Variants in PLVAP observed in about 807,000 individuals in gnomAD.
PLVAP encodes the protein plasmalemma vesicle-associated protein.
PLVAP carries 34 observed loss-of-function variants against 43.1 expected under a neutral mutation model. The ratio of observed to expected loss-of-function variants is 0.79; its 90% CI spans 0.60 to 1.05. PLVAP has a LOEUF of 1.05. PLVAP is among the 50% of genes least tolerant of loss of function. PLVAP has a pLI of 0.00. For synonymous variants in PLVAP, 241 were observed against 237.3 expected (o/e 1.02, Z -0.14); for missense variants, 574 against 593.4 (o/e 0.97, Z 0.34).
At chr19:17,368,090 A>T (rs2145724353) in intron 1 of PLVAP, among the ~76,000 whole-genome samples, 11 of 39,366 alleles carry the variant, frequency 2.8e-4, no homozygotes, top group South Asian at 2.2e-3. Context: ...TTTTTTTTTG[A>T]GACGGAGTTT....
At chr19:17,362,705 C>A (rs1277140713) in intron 3 of PLVAP, 1 of 152,202 alleles carries the variant, frequency 6.6e-6, no homozygotes, top group Non-Finnish European at 1.5e-5. Flanking sequence ...AACCTCACCC[C>A]CTACAAGCAT....
chr19:17,367,632 G>A (rs998076990), intron 1 of PLVAP, among the ~76,000 whole-genome samples: 6 of 152,012 alleles, frequency 3.9e-5, no homozygotes, highest in Non-Finnish European at 5.9e-5. Context: ...CAGGTGATCC[G>A]CCTATCTCGG....
chr19:17,372,738 G>A (rs930094765), intron 1 of PLVAP, among the ~76,000 whole-genome samples: 23 of 150,872 alleles, frequency 1.5e-4, no homozygotes, highest in South Asian at 2.1e-4. Context: ...TTATAGGTGT[G>A]AGCCACTGCA....
intron 1 of PLVAP, among the ~76,000 whole-genome samples, chr19:17,367,706 G>C (rs2074555914): frequency 6.6e-6 from 1 of 151,922 alleles, no homozygotes; most frequent in South Asian, 2.1e-4. Context: ...TGTTTTTGTA[G>C]AGATGGGGTT....
At chr19:17,364,336 C>T (rs1429460592) in intron 3 of PLVAP, among the ~76,000 whole-genome samples, 1 of 151,944 alleles carries the variant, frequency 6.6e-6, no homozygotes, top group Non-Finnish European at 1.5e-5. Flanking sequence ...CCACCTGCCT[C>T]CGCCTCCCAA....
At chr19:17,369,098 A>T (rs2074561539) in intron 1 of PLVAP, among the ~76,000 whole-genome samples, 1 of 152,148 alleles carries the variant, frequency 6.6e-6, no homozygotes, top group Admixed American at 6.5e-5. Flanking sequence ...ATACCTTGTC[A>T]TGGAAGCCCT....
chr19:17,372,273 G>T (rs1349695402), intron 1 of PLVAP, among the ~76,000 whole-genome samples: 2 of 150,576 alleles, frequency 1.3e-5, no homozygotes, highest in Non-Finnish European at 3.0e-5. Flanking sequence ...GCTGGGTTTG[G>T]TGGCGGGTGC....
chr19:17,376,787 G>T, intron 1 of PLVAP, 133 bp downstream of exon 1: 1 of 942,904 alleles, frequency 1.1e-6, no homozygotes, highest in Non-Finnish European at 1.5e-6. Flanking sequence ...GACGGAGCGA[G>T]ACTCTGTCTC....
At chr19:17,367,539 C>A (rs977562814) in intron 1 of PLVAP, among the ~76,000 whole-genome samples, 1 of 152,042 alleles carries the variant, frequency 6.6e-6, no homozygotes, top group African/African-American at 2.4e-5. Context: ...CAGGCATGCG[C>A]CACAACACCC....
intron 3 of PLVAP, among the ~76,000 whole-genome samples, chr19:17,361,314 A>G (rs57306046): frequency 0.015 from 2,291 of 152,252 alleles, 55 homozygotes; most frequent in East Asian, 0.068. Context: ...GGTCATGAAC[A>G]TAGAATCACC....
Position 17,366,939 on chromosome 19 carries a change from ATTTTT to A in PLVAP, c.370-749_370-745del, listed in dbSNP as rs34408678. The stretch of plus-strand genomic sequence containing the variant: ...GCTTGAGCCACTGTGCCCGGCTCGA[ATTTTT>A]TTTTTTTTTTTTTTTTTAGACAGGG... On this transcript the variant is annotated intron_variant, in intron 1 of 5. Coordinates refer to ENST00000252590, the MANE Select transcript of PLVAP (RefSeq NM_031310.3). Among the ~76,000 whole-genome samples the A allele has an allele frequency of 2.0e-3, 212 of 107,822 alleles. 1 individual carries two copies. The highest frequency in any genetic ancestry group is 5.4e-3 in the Middle Eastern group (1 of 186). 70.7% of individuals were successfully genotyped at this position (107,822 alleles called of 152,430 possible).
In PLVAP at chr19:17,377,260, G is replaced by A. The variant is rs761339710; in HGVS notation, c.29C>T (p.Ser10Phe). The A allele has an allele frequency of 2.5e-6, 4 of 1,613,364 alleles. No individual in the cohort carries two copies. Among genetic ancestry groups the A allele is most frequent in the Admixed American group, 1.7e-5 (1 of 59,972 alleles). The change falls in exon 1 of 6, where the codon TCC becomes TTC. Residue 10 changes from serine to phenylalanine, a missense_variant. Coordinates refer to ENST00000252590, the MANE Select transcript of PLVAP (RefSeq NM_031310.3). MGLAMEHGG[S>F]YARAGGSSRG... Reference sequence around the variant, plus strand: ...AGAGCTGCCCCCCGCCCGAGCGTAGGACCCTCCGTGCTCCATGGCCAGACC... The same window carrying A: ...AGAGCTGCCCCCCGCCCGAGCGTAGAACCCTCCGTGCTCCATGGCCAGACC...
At chr19:17,358,584 G>A (rs1036533771) in intron 5 of PLVAP, among the ~76,000 whole-genome samples, 1 of 152,168 alleles carries the variant, frequency 6.6e-6, no homozygotes, top group Admixed American at 6.5e-5. Context: ...TTCTTGGGGC[G>A]GTGGCCTGAG....
In PLVAP at chr19:17,352,313, G is replaced by T; in HGVS notation, c.*49C>A. ...CTGTGAGCATATCCCTGCATCCTCC[G>T]CAAACCGCCGAGTCGGGCCATCCCT... is the stretch of plus-strand genomic sequence containing the variant. On this transcript the variant is annotated 3_prime_UTR_variant, in exon 6 of 6. Transcript: ENST00000252590. 1 of 1,611,164 alleles carries T rather than the reference G, an allele frequency of 6.2e-7. No individual in the cohort carries two copies. Among genetic ancestry groups the T allele is most frequent in the Non-Finnish European group, 8.5e-7 (1 of 1,177,992 alleles).
At chr19:17,364,041 C>T (rs112987533) in intron 3 of PLVAP, among the ~76,000 whole-genome samples, 154 of 151,758 alleles carry the variant, frequency 1.0e-3, no homozygotes, top group African/African-American at 3.5e-3. Flanking sequence ...TCACCGCGCC[C>T]GGCCTAATTT....
chr19:17,362,847 C>T (rs2074533627), intron 3 of PLVAP: 1 of 152,236 alleles, frequency 6.6e-6, no homozygotes, highest in African/African-American at 2.4e-5. Flanking sequence ...TGACCAAAAA[C>T]TCATCTCAGC....
intron 3 of PLVAP, 32 bp downstream of exon 3, chr19:17,365,254 C>T (rs767798441): frequency 1.9e-6 from 3 of 1,572,814 alleles, no homozygotes; most frequent in South Asian, 1.2e-5. Flanking sequence ...CCTAACTCCA[C>T]TGCAGCCTCC....
chr19:17,359,961 G>A (rs961415078), intron 5 of PLVAP, among the ~76,000 whole-genome samples: 1 of 152,100 alleles, frequency 6.6e-6, no homozygotes, highest in Non-Finnish European at 1.5e-5. Flanking sequence ...CCAGCCTCCA[G>A]GCCTTTGGCC....
intron 1 of PLVAP, among the ~76,000 whole-genome samples, chr19:17,371,858 C>T (rs541308426): frequency 3.3e-5 from 5 of 152,102 alleles, no homozygotes; most frequent in Admixed American, 6.6e-5. Flanking sequence ...GGAAGAGAAC[C>T]CTCTGCAGAA....
Sources: allele counts gnomAD v4.1 joint callset (sites outside exome capture counted in the v4.1 genomes callset), GRCh38; gene constraint gnomAD v4.1.1; transcripts MANE v1.5; gene names NCBI Gene and HGNC (gene_info 2026-07-23, HGNC 2026-07-21).